RNF166: variants seen among roughly 807,000 people sequenced by gnomAD.
RNF166 encodes the protein E3 ubiquitin-protein ligase RNF166.
A neutral mutation model predicts 29.4 loss-of-function variants in RNF166; 19 were observed. The ratio of observed to expected loss-of-function variants is 0.65; its 90% CI spans 0.45 to 0.95. The LOEUF is 0.95. RNF166 is among the 40% of genes least tolerant of loss of function. RNF166 has a pLI of 0.00. For missense variants in RNF166, 347 were observed against 322.1 expected (o/e 1.08, Z -0.59); for synonymous variants, 171 against 134.5 (o/e 1.27, Z -1.88).
At chr16:88,698,702 G>T in intron 4 of RNF166, 93 bp from the exon 5 acceptor site, 3 of 1,002,020 alleles carry the variant, frequency 3.0e-6, no homozygotes, top group Non-Finnish European at 2.9e-6. Flanking sequence ...CCCCGTCAGT[G>T]CTGCCTCAGC....
At chr16:88,703,833 G>A in intron 1 of RNF166, 1 of 985,452 alleles carries the variant, frequency 1.0e-6, no homozygotes, top group Non-Finnish European at 1.2e-6. Flanking sequence ...GAGAAGCTGG[G>A]ACGGCCCGTG....
intron 2 of RNF166, chr16:88,700,642 G>A: frequency 2.0e-6 from 2 of 986,760 alleles, no homozygotes; most frequent in Non-Finnish European, 2.4e-6. Context: ...TCCTCCGGAA[G>A]CCACTGAAAG....
Position 88,696,664 on chromosome 16 carries a change from G to T in RNF166, c.*904C>A. 2.3e-6 allele frequency: 1 copy of T among 440,214 alleles called. No homozygotes were observed. Among genetic ancestry groups the T allele is most frequent in the South Asian group, 1.6e-5 (1 of 61,368 alleles). 27.3% of individuals were successfully genotyped at this position (440,214 alleles called of 1,614,324 possible). A position where few individuals can be genotyped will look rare whatever the true frequency, so the allele number is the denominator to read the frequency against. On this transcript the variant is annotated 3_prime_UTR_variant, in exon 6 of 6. Coordinates refer to ENST00000312838, the MANE Select transcript of RNF166 (RefSeq NM_178841.4). ...CTGGGGTGCCGTCCCCTCCCGCAGC[G>T]GGGCACAGTCAGCTTTGAAGGTGAC...
chr16:88,702,870 C>T (rs141236516), intron 1 of RNF166: 87 of 985,506 alleles, frequency 8.8e-5, no homozygotes, highest in Admixed American at 7.4e-4. Flanking sequence ...CTACTTCACC[C>T]GTTCACGGGA....
chr16:88,698,625 G>C lies in RNF166; in HGVS notation c.541-16C>G. 2 of 1,496,430 alleles carry C rather than the reference G, an allele frequency of 1.3e-6. No homozygotes were observed. Among genetic ancestry groups the C allele is most frequent in the African/African-American group, 1.4e-5 (1 of 72,190 alleles). 92.7% of individuals were successfully genotyped at this position (1,496,430 alleles called of 1,614,324 possible). On this transcript the variant is annotated splice_polypyrimidine_tract_variant and intron_variant, in intron 4 of 5. Transcript: ENST00000312838. ...TGGGGCACACCTGGAACAGGCACTGGGGTCAAGCCGAGCCGGACCGCGGAG... is the reference window on the plus strand; with the variant it reads ...TGGGGCACACCTGGAACAGGCACTGCGGTCAAGCCGAGCCGGACCGCGGAG...
Position 88,700,833 on chromosome 16 carries a change from C to G in RNF166, c.312+429G>C, listed in dbSNP as rs142156586. On this transcript the variant is annotated intron_variant, in intron 2 of 5. Coordinates refer to ENST00000312838, the MANE Select transcript of RNF166 (RefSeq NM_178841.4). ...TGCCCATCAGCCCGGCTCTGGCCCTCCTGGCAGCTGGAGGGTGCTCGGCCC... is the reference window on the plus strand; with the variant it reads ...TGCCCATCAGCCCGGCTCTGGCCCTGCTGGCAGCTGGAGGGTGCTCGGCCC... The G allele has an allele frequency of 7.7e-4, 814 of 1,055,940 alleles. 4 individuals carry two copies. The African/African-American group carries it at 0.013, about 16-fold the overall frequency. The allele number at this position is 1,055,940 out of a possible 1,614,324, so 65.4% of individuals were successfully genotyped here.
intron 1 of RNF166, among the ~76,000 whole-genome samples, chr16:88,701,978 C>T (rs370945721): frequency 2.5e-4 from 38 of 152,198 alleles, no homozygotes; most frequent in African/African-American, 3.4e-4. Flanking sequence ...GGGACAGCTT[C>T]GCAGGCAGGA....
chr16:88,702,099 C>G (rs958760975), intron 1 of RNF166, among the ~76,000 whole-genome samples: 2 of 152,212 alleles, frequency 1.3e-5, no homozygotes, highest in Non-Finnish European at 2.9e-5. Context: ...GAGCGTCCCA[C>G]AGCCCCGTGC....
At chr16:88,701,443 C>T (rs757324666) in intron 1 of RNF166, 25 bp from the exon 2 acceptor site, 1 of 1,518,250 alleles carries the variant, frequency 6.6e-7, no homozygotes, top group Non-Finnish European at 8.8e-7. Flanking sequence ...GGCCTGAGTG[C>T]CAGCCCGCCC....
chr16:88,697,690 C>A, intron 5 of RNF166, 57 bp from the exon 6 acceptor site: 1 of 1,315,764 alleles, frequency 7.6e-7, no homozygotes, highest in South Asian at 1.3e-5. Context: ...GGAGAGGTCC[C>A]CTCTGCCCAT....
In RNF166 at chr16:88,698,020, C is replaced by T. The variant is rs183984774; in HGVS notation, c.649-387G>A. On this transcript the variant is annotated intron_variant, in intron 5 of 5. Coordinates refer to ENST00000312838, the MANE Select transcript of RNF166 (RefSeq NM_178841.4). ...TGACAGCCATCGCCAGGACTGTTAG[C>T]CAGGGCCAGGAATGAACAGGGCGGC... The T allele has an allele frequency of 6.9e-4, 344 of 497,406 alleles. 6 individuals are homozygous for T. The East Asian group carries it at 9.8e-3, about 14-fold the overall frequency. 30.8% of individuals were successfully genotyped at this position (497,406 alleles called of 1,614,324 possible). A position where few individuals can be genotyped will look rare whatever the true frequency, so the allele number is the denominator to read the frequency against.
intron 5 of RNF166, 135 bp downstream of exon 5, chr16:88,698,367 T>G: frequency 1.3e-6 from 1 of 769,200 alleles, no homozygotes; most frequent in Admixed American, 2.0e-5. Context: ...CCTGGGGGAA[T>G]GTGGCCACCT....
rs549684986 is a variant in RNF166 at position 88,704,056 on chromosome 16, G to A, written c.155+2115C>T. 1.6e-4 allele frequency: 154 copies of A among 985,474 alleles called. No individual in the cohort carries two copies. The East Asian group carries it at 2.5e-3, about 16-fold the overall frequency. The allele number at this position is 985,474 out of a possible 1,614,324, so 61.0% of individuals were successfully genotyped here. ...TGGGCCCCCAGGGGGCCTCCTGCGCGAGGGCTAGAGCAGGGTGCATGCCCC... is the reference window on the plus strand; with the variant it reads ...TGGGCCCCCAGGGGGCCTCCTGCGCAAGGGCTAGAGCAGGGTGCATGCCCC... On this transcript the variant is annotated intron_variant, in intron 1 of 5. Coordinates refer to ENST00000312838, the MANE Select transcript of RNF166 (RefSeq NM_178841.4).
In RNF166 at chr16:88,702,973, G is replaced by A. The variant is rs932720588; in HGVS notation, c.156-1555C>T. Reference sequence around the variant, plus strand: ...CAGGAGAAGCGGAAGCAGCTCAGGTGCCCGTCGGTAAACGGATGAAGAGAC... The same window carrying A: ...CAGGAGAAGCGGAAGCAGCTCAGGTACCCGTCGGTAAACGGATGAAGAGAC... On this transcript the variant is annotated intron_variant, in intron 1 of 5. Coordinates refer to ENST00000312838, the MANE Select transcript of RNF166 (RefSeq NM_178841.4). The A allele has an allele frequency of 4.9e-5, 48 of 985,596 alleles. 1 individual carries two copies. The East Asian group carries it at 1.2e-3, about 26-fold the overall frequency. 61.1% of individuals were successfully genotyped at this position (985,596 alleles called of 1,614,324 possible). A position where few individuals can be genotyped will look rare whatever the true frequency, so the allele number is the denominator to read the frequency against.
intron 1 of RNF166, chr16:88,704,213 T>C (rs877579): frequency 0.78 from 768,416 of 985,350 alleles, 299,962 homozygotes; most frequent in East Asian, 0.95. Context: ...CTTTAAACTT[T>C]CTGTGGTCAT....
At chr16:88,703,576 G>T in intron 1 of RNF166, 1 of 985,452 alleles carries the variant, frequency 1.0e-6, no homozygotes, top group Non-Finnish European at 1.2e-6. Context: ...CTAGTTTCCA[G>T]TGACTGCCAG....
intron 2 of RNF166, chr16:88,700,027 A>G: frequency 4.5e-6 from 1 of 223,838 alleles, no homozygotes; most frequent in Non-Finnish European, 8.8e-6. Context: ...GAGTTCAAAT[A>G]CTTGCTCCAG....
Position 88,706,352 on chromosome 16 carries a change from C to A in RNF166, c.-27G>T. The A allele has an allele frequency of 8.2e-7, 1 of 1,215,086 alleles. No individual in the cohort carries two copies. The highest frequency in any genetic ancestry group is 3.7e-5 in the South Asian group (1 of 26,706). 75.3% of individuals were successfully genotyped at this position (1,215,086 alleles called of 1,614,324 possible). A position where few individuals can be genotyped will look rare whatever the true frequency, so the allele number is the denominator to read the frequency against. ...CCGGGGCCAGGCCCGCGCCGCCCGC[C>A]GCCCGCTGTCCTGGCCCGGGCCGGC... is the stretch of plus-strand genomic sequence containing the variant. On this transcript the variant is annotated 5_prime_UTR_variant, in exon 1 of 6. Coordinates refer to ENST00000312838, the MANE Select transcript of RNF166 (RefSeq NM_178841.4).
chr16:88,700,196 C>T (rs115680467), intron 2 of RNF166: 1,547 of 153,280 alleles, frequency 0.01, 22 homozygotes, highest in African/African-American at 0.035. Flanking sequence ...GCTGCAAGAT[C>T]GCAGGTGTCT....
Sources: allele counts gnomAD v4.1 joint callset (sites outside exome capture counted in the v4.1 genomes callset), GRCh38; gene constraint gnomAD v4.1.1; transcripts MANE v1.5; gene names NCBI Gene and HGNC (gene_info 2026-07-23, HGNC 2026-07-21).